Variants in MYO5B observed in about 807,000 individuals in gnomAD.
The protein encoded by MYO5B is myosin VB.
A neutral mutation model predicts 229.3 loss-of-function variants in MYO5B; 143 were observed. The observed-to-expected ratio is 0.62, with a 90% confidence interval of 0.54 to 0.72. MYO5B has a LOEUF of 0.72. Ranked by LOEUF, MYO5B falls within the 30% of genes least tolerant of loss-of-function variation. The pLI is 0.00. For synonymous variants in MYO5B, 918 were observed against 885.2 expected, an observed-to-expected ratio of 1.04 and a Z score of -0.66; for missense variants, 2,321 against 2,331.0, an observed-to-expected ratio of 1.00 and a Z score of 0.09.
intron 14 of MYO5B, among the ~76,000 whole-genome samples, chr18:49,938,795 T>C (rs1225989415): frequency 6.6e-6 from 1 of 152,294 alleles, no homozygotes; most frequent in East Asian, 1.9e-4. Flanking sequence ...CTATTTTTAC[T>C]TGAAATACCC....
At chr18:49,949,482 C>A (rs949132929) in intron 14 of MYO5B, among the ~76,000 whole-genome samples, 1 of 152,132 alleles carries the variant, frequency 6.6e-6, no homozygotes, top group Non-Finnish European at 1.5e-5. Context: ...ACATTACAAC[C>A]GCTCAGACAA....
intron 1 of MYO5B, among the ~76,000 whole-genome samples, chr18:50,108,355 TTAAG>T (rs749382913): frequency 4.6e-5 from 7 of 152,248 alleles, no homozygotes; most frequent in Admixed American, 3.9e-4. Flanking sequence ...CTGCTCTGCA[TTAAG>T]TGAGATATGT....
chr18:49,895,189 A>G lies in MYO5B; in HGVS notation c.2812-15T>C. ...AACTCTTTGTTCTGTGGAGAACATC[A>G]GCAAACAAGGAGAAGGGAGAAGAAG... On this transcript the variant is annotated splice_polypyrimidine_tract_variant and intron_variant, in intron 21 of 39. Transcript: ENST00000285039. 2 of 1,597,380 alleles carry G rather than the reference A, an allele frequency of 1.3e-6. No individual in the cohort carries two copies. The highest frequency in any genetic ancestry group is 1.7e-6 in the Non-Finnish European group (2 of 1,165,132).
intron 14 of MYO5B, among the ~76,000 whole-genome samples, chr18:49,945,318 G>C (rs1366373510): frequency 1.3e-5 from 2 of 152,126 alleles, no homozygotes; most frequent in Non-Finnish European, 2.9e-5. Flanking sequence ...GTTCCACTGG[G>C]AACTCCGAAT....
At chr18:50,162,633 C>T (rs545606046) in intron 1 of MYO5B, among the ~76,000 whole-genome samples, 1 of 152,314 alleles carries the variant, frequency 6.6e-6, no homozygotes, top group South Asian at 2.1e-4. Flanking sequence ...GCCCTGAGCC[C>T]TCGACCACAT....
chr18:49,946,331 C>G (rs1006746879), intron 14 of MYO5B: 1 of 152,146 alleles, frequency 6.6e-6, no homozygotes, highest in African/African-American at 2.4e-5. Context: ...AGGCCCGACC[C>G]TGCTTAGTTT....
intron 39 of MYO5B, among the ~76,000 whole-genome samples, chr18:49,827,652 A>C (rs1385647681): frequency 6.6e-6 from 1 of 152,106 alleles, no homozygotes; most frequent in Non-Finnish European, 1.5e-5. Flanking sequence ...ATAATGAGGT[A>C]AAAATGAACA....
At position 49,974,558 on chromosome 18, in the gene MYO5B, T is replaced by A. The variant is rs765109506; in HGVS notation, c.1114A>T (p.Met372Leu). ...TTGCGATGACACAGCCAGTGCTCCA[T>A]CTGACTGTGCTCCACCCCTAGCAGT... Reference protein sequence around the residue: ...CRLLGVEHSQMEHWLCHRKLV... With the variant: ...CRLLGVEHSQLEHWLCHRKLV... Residue 372 changes from methionine to leucine, a missense_variant, in exon 10 of 40, where the codon ATG becomes TTG. Transcript: ENST00000285039. 14 of 1,614,108 alleles carry A rather than the reference T, an allele frequency of 8.7e-6. No individual in the cohort carries two copies. In the Middle Eastern group the frequency reaches 4.9e-4, roughly 57 times the overall value.
At position 49,974,344 on chromosome 18, in the gene MYO5B, G is replaced by T. The variant is rs1333142261; in HGVS notation, c.1322+6C>A. 2 of 1,614,078 alleles carry T rather than the reference G, an allele frequency of 1.2e-6. No homozygotes were observed. Among genetic ancestry groups the T allele is most frequent in the Non-Finnish European group, 8.5e-7 (1 of 1,180,034 alleles). On this transcript the variant is annotated splice_donor_region_variant and intron_variant, in intron 10 of 39. Transcript: ENST00000285039. ...GCAGATAGAGCGAGACAGGCGGCAG[G>T]CCTACCCATAGATGTCCAGGACCCC...
At chr18:50,021,191 T>C (rs1598959129) in intron 4 of MYO5B, among the ~76,000 whole-genome samples, 1 of 152,142 alleles carries the variant, frequency 6.6e-6, no homozygotes, top group African/African-American at 2.4e-5. Context: ...ACACAGGGCC[T>C]CCGAGGAGAT....
intron 32 of MYO5B, among the ~76,000 whole-genome samples, chr18:49,848,320 G>C (rs771214322): frequency 6.6e-6 from 1 of 152,014 alleles, no homozygotes; most frequent in Non-Finnish European, 1.5e-5. Flanking sequence ...GGGTGCTGAT[G>C]GTGGTGGGGC....
chr18:49,940,177 G>T (rs1365463402), intron 14 of MYO5B, among the ~76,000 whole-genome samples: 1 of 152,166 alleles, frequency 6.6e-6, no homozygotes, highest in East Asian at 1.9e-4. Flanking sequence ...CACTATTCTA[G>T]GTGAATTCAA....
In MYO5B at chr18:50,036,941, C is replaced by G; in HGVS notation, c.364G>C (p.Asp122His). ...TGGCCACTGTAGGTATAGATGACAT[C>G]TTGTCCATAGATTGGCAACTGTTCA... ...PYEQLPIYGQDVIYTYSGQNM... is the reference protein window; with the variant it reads ...PYEQLPIYGQHVIYTYSGQNM... The change falls in exon 4 of 40, where the codon GAT (aspartate) becomes CAT (histidine). Residue 122 changes from aspartate to histidine, a missense_variant. Physicochemically the swap from Asp to His is moderately conservative, Grantham distance 81 (BLOSUM62 -1). Transcript: ENST00000285039. 1 of 1,614,114 alleles carries G rather than the reference C, an allele frequency of 6.2e-7. No homozygotes were observed.
At chr18:50,072,240 A>AG (rs1405583191) in intron 1 of MYO5B, among the ~76,000 whole-genome samples, 1 of 147,608 alleles carries the variant, frequency 6.8e-6, no homozygotes, top group Non-Finnish European at 1.5e-5. Context: ...TTTTAAAAAG[A>AG]GAAAAAAAAA....
At chr18:49,850,185 G>C (rs1331967540) in intron 31 of MYO5B, 1 of 198,842 alleles carries the variant, frequency 5.0e-6, no homozygotes, top group East Asian at 1.3e-4. Flanking sequence ...CTGAGACCTA[G>C]AACAGCAAGC....
At chr18:50,101,695 C>T (rs557112840) in intron 1 of MYO5B, among the ~76,000 whole-genome samples, 2 of 152,304 alleles carry the variant, frequency 1.3e-5, no homozygotes, top group East Asian at 3.9e-4. Flanking sequence ...GAGATACCAT[C>T]TCATGCAGAT....
Position 49,836,664 on chromosome 18 carries a change from G to C in MYO5B, c.5313+47C>G, listed in dbSNP as rs747524662. ...CGAGAACAGACTTGGAATGGACTCA[G>C]GGCTTCCTTGGAATACCATGTTGAC... is the stretch of plus-strand genomic sequence containing the variant. On this transcript the variant is annotated intron_variant, in intron 38 of 39. Coordinates refer to ENST00000285039, the MANE Select transcript of MYO5B (RefSeq NM_001080467.3). The C allele has an allele frequency of 1.9e-6, 3 of 1,608,392 alleles. No individual in the cohort carries two copies. The African/African-American group carries it at 4.0e-5, about 22-fold the overall frequency.
intron 39 of MYO5B, among the ~76,000 whole-genome samples, chr18:49,832,950 A>G (rs2023940897): frequency 6.6e-6 from 1 of 152,140 alleles, no homozygotes; most frequent in South Asian, 2.1e-4. Context: ...GTTTATTATC[A>G]TGAACCTATC....
rs186494043 is a variant in MYO5B, at chr18:49,937,307, G to A, written c.1843C>T (p.Arg615Cys). 2.8e-5 allele frequency: 45 copies of A among 1,614,124 alleles called. No homozygotes were observed. The highest frequency in any genetic ancestry group is 1.6e-4 in the African/African-American group (12 of 75,030). ...GKGSSSKISV[R>C]SARPPMKVSN... is the part of the protein sequence containing the mutation. Reference sequence around the variant, plus strand: ...ACTTTCATGGGGGGTCTGGCAGAACGGACGCTGATCTTCGAAGATGACCCC... The same window carrying A: ...ACTTTCATGGGGGGTCTGGCAGAACAGACGCTGATCTTCGAAGATGACCCC... Residue 615 changes from arginine to cysteine, a missense_variant, in exon 15 of 40, where the codon CGT becomes TGT. Arg to Cys is a radical substitution (Grantham distance 180). Transcript: ENST00000285039.
Sources: allele counts gnomAD v4.1 joint callset (sites outside exome capture counted in the v4.1 genomes callset), GRCh38; gene constraint gnomAD v4.1.1; transcripts MANE v1.5; gene names NCBI Gene and HGNC (gene_info 2026-07-23, HGNC 2026-07-21).